Variants in PXDNL observed in about 807,000 individuals in gnomAD.
PXDNL encodes the protein peroxidasin like.
Under a neutral mutation model 150.8 loss-of-function variants are expected in PXDNL, and 145 were observed. The ratio of observed to expected loss-of-function variants is 0.96; its 90% CI spans 0.84 to 1.10. PXDNL has a LOEUF of 1.10. Among genes scored for constraint, PXDNL ranks in the 50% least tolerant of loss-of-function variants. The pLI, the probability that PXDNL is intolerant of heterozygous loss-of-function variation, is 0.00. For missense variants in PXDNL, 2,087 were observed against 1,873.9 expected, an observed-to-expected ratio of 1.11 and a Z score of -2.10; for synonymous variants, 757 against 725.7, an observed-to-expected ratio of 1.04 and a Z score of -0.69.
chr8:51,607,992 A>G (rs1813880850), intron 2 of PXDNL, among the ~76,000 whole-genome samples: 1 of 102,654 alleles, frequency 9.7e-6, no homozygotes, highest in Non-Finnish European at 1.8e-5. Flanking sequence ...GAAGAGAGAG[A>G]GGAAGGAAGG....
intron 17 of PXDNL, among the ~76,000 whole-genome samples, chr8:51,382,181 A>G (rs929061391): frequency 8.5e-5 from 13 of 152,108 alleles, no homozygotes; most frequent in Non-Finnish European, 1.5e-4. Flanking sequence ...AAAGACCGAG[A>G]GTGAGAATGC....
At chr8:51,795,955 A>T (rs1316517526) in intron 1 of PXDNL, among the ~76,000 whole-genome samples, 1 of 152,212 alleles carries the variant, frequency 6.6e-6, no homozygotes, top group Admixed American at 6.5e-5. Context: ...GGTTGGTCTT[A>T]AGACCACATG....
At chr8:51,527,352 T>C (rs994502712) in intron 4 of PXDNL, among the ~76,000 whole-genome samples, 4 of 152,146 alleles carry the variant, frequency 2.6e-5, no homozygotes, top group African/African-American at 9.7e-5. Context: ...ATATTTCCAT[T>C]TGCTTGATAG....
At chr8:51,576,789 G>C (rs1425629177) in intron 3 of PXDNL, among the ~76,000 whole-genome samples, 1 of 151,610 alleles carries the variant, frequency 6.6e-6, no homozygotes, top group East Asian at 1.9e-4. Context: ...GAACAAAAGA[G>C]AGAAAACACA....
chr8:51,440,392 T>C (rs1253571071), intron 12 of PXDNL, among the ~76,000 whole-genome samples: 2 of 152,034 alleles, frequency 1.3e-5, no homozygotes, highest in Non-Finnish European at 2.9e-5. Flanking sequence ...CTTATTCATG[T>C]AACCAAACAC....
chr8:51,522,453 TATA>T (rs1196840331), intron 4 of PXDNL, among the ~76,000 whole-genome samples: 1 of 152,172 alleles, frequency 6.6e-6, no homozygotes, highest in Non-Finnish European at 1.5e-5. Context: ...TTGAAAAACT[TATA>T]GTAGAGTAGA....
chr8:51,712,790 T>C (rs2130902405), intron 1 of PXDNL, among the ~76,000 whole-genome samples: 2 of 152,350 alleles, frequency 1.3e-5, no homozygotes, highest in Admixed American at 1.3e-4. Flanking sequence ...TGGCAACTGT[T>C]AAAATATTCC....
chr8:51,652,088 C>G (rs548910800), intron 2 of PXDNL, among the ~76,000 whole-genome samples: 1 of 152,096 alleles, frequency 6.6e-6, no homozygotes, highest in Admixed American at 6.5e-5. Flanking sequence ...TGTAAGAAAA[C>G]ATTGGAGTTT....
chr8:51,765,930 G>T (rs943833457), intron 1 of PXDNL, among the ~76,000 whole-genome samples: 1 of 151,076 alleles, frequency 6.6e-6, no homozygotes, highest in African/African-American at 2.4e-5. Context: ...TGCAAGCTCC[G>T]CCTCCCGGGT....
chr8:51,559,082 T>C (rs971413316), intron 3 of PXDNL, among the ~76,000 whole-genome samples: 1 of 151,978 alleles, frequency 6.6e-6, no homozygotes, highest in African/African-American at 2.4e-5. Flanking sequence ...GTGAGTCAGC[T>C]CCTCATGAGG....
At chr8:51,713,686 G>GA (rs1040396837) in intron 1 of PXDNL, among the ~76,000 whole-genome samples, 2 of 152,000 alleles carry the variant, frequency 1.3e-5, no homozygotes, top group South Asian at 2.1e-4. Context: ...AATCAAAGTA[G>GA]AAAAAAAATT....
intron 12 of PXDNL, among the ~76,000 whole-genome samples, chr8:51,431,200 T>C (rs1303473424): frequency 6.6e-6 from 1 of 152,156 alleles, no homozygotes; most frequent in Non-Finnish European, 1.5e-5. Flanking sequence ...ACCTGAGTGA[T>C]CTTAAATTAT....
chr8:51,396,595 A>T (rs912306654), intron 17 of PXDNL, among the ~76,000 whole-genome samples: 1 of 152,170 alleles, frequency 6.6e-6, no homozygotes, highest in African/African-American at 2.4e-5. Context: ...CATCTCTACT[A>T]AAAATACAAA....
chr8:51,700,880 A>C (rs569301257), intron 1 of PXDNL, among the ~76,000 whole-genome samples: 120 of 151,834 alleles, frequency 7.9e-4, no homozygotes, highest in Non-Finnish European at 1.3e-3. Flanking sequence ...ACACACACTC[A>C]TATACATACA....
At chr8:51,370,943 A>G (rs1807094262) in intron 19 of PXDNL, among the ~76,000 whole-genome samples, 1 of 152,168 alleles carries the variant, frequency 6.6e-6, no homozygotes, top group Non-Finnish European at 1.5e-5. Flanking sequence ...TCCTCCCCTG[A>G]CAACAAATCT....
intron 2 of PXDNL, among the ~76,000 whole-genome samples, chr8:51,646,676 C>T (rs1305686318): frequency 6.6e-6 from 1 of 152,138 alleles, no homozygotes; most frequent in Non-Finnish European, 1.5e-5. Flanking sequence ...AGGAGCCTTG[C>T]TCCTAAGGGG....
intron 8 of PXDNL, among the ~76,000 whole-genome samples, chr8:51,465,233 A>G (rs1299953800): frequency 6.6e-6 from 1 of 152,182 alleles, no homozygotes; most frequent in Non-Finnish European, 1.5e-5. Flanking sequence ...TTCCTGAGAT[A>G]CAAAGTTGTT....
At chr8:51,449,726 T>C (rs1460029475) in intron 10 of PXDNL, among the ~76,000 whole-genome samples, 1 of 152,148 alleles carries the variant, frequency 6.6e-6, no homozygotes, top group Non-Finnish European at 1.5e-5. Flanking sequence ...GACTCTTTGA[T>C]TGAATAAAAA....
At chr8:51,747,275 C>T (rs532276264) in intron 1 of PXDNL, among the ~76,000 whole-genome samples, 49 of 152,360 alleles carry the variant, frequency 3.2e-4, no homozygotes, top group Non-Finnish European at 5.4e-4. Context: ...CAGGCAAACA[C>T]TGTGCTCCTT....
Sources: allele counts gnomAD v4.1 joint callset (sites outside exome capture counted in the v4.1 genomes callset), GRCh38; gene constraint gnomAD v4.1.1; transcripts MANE v1.5; gene names NCBI Gene and HGNC (gene_info 2026-07-23, HGNC 2026-07-21).